Variants in C4orf51 observed in about 807,000 individuals in gnomAD.
The protein encoded by C4orf51 is chromosome 4 open reading frame 51, also known as uncharacterized protein C4orf51.
Under a neutral mutation model 25.2 loss-of-function variants are expected in C4orf51, and 25 were observed. The observed-to-expected ratio is 0.99, with a 90% CI of 0.72 to 1.39. C4orf51 has a LOEUF of 1.39. C4orf51 is among the 40% of genes most tolerant of loss of function. The probability of loss-of-function intolerance (pLI) is 0.00; values close to 1 mark genes in which losing one functional copy is unlikely to be tolerated. For missense variants in C4orf51, 252 were observed against 239.6 expected (o/e 1.05, Z -0.34); for synonymous variants, 100 against 84.5 (o/e 1.18, Z -1.01).
chr4:145,761,682 T>G lies in C4orf51; in HGVS notation n.167-9306T>G. The G allele has an allele frequency of 1.2e-6, 1 of 845,350 alleles. No individual in the cohort carries two copies. Among genetic ancestry groups the G allele is most frequent in the Non-Finnish European group, 1.6e-6 (1 of 614,212 alleles). The allele number at this position is 845,350 out of a possible 1,614,324, so 52.4% of individuals were successfully genotyped here. A position where few individuals can be genotyped will look rare whatever the true frequency, so the allele number is the denominator to read the frequency against. ...TTCTCGCCGCCTCACCAGCCTTCCCTCACACCACCCCCCAGTGTCTGAGGC... is the reference window on the plus strand; with the variant it reads ...TTCTCGCCGCCTCACCAGCCTTCCCGCACACCACCCCCCAGTGTCTGAGGC... On this transcript the variant is annotated intron_variant and non_coding_transcript_variant, in intron 1 of 1. Transcript: ENST00000510096. The surrounding 1 kb of genome is among the most constrained non-coding windows in gnomAD (Gnocchi z 6.8).
chr4:145,756,322 A>T (rs1733948046), downstream of C4orf51, among the ~76,000 whole-genome samples: 1 of 152,228 alleles, frequency 6.6e-6, no homozygotes, highest in Non-Finnish European at 1.5e-5. Context: ...AACTATATTT[A>T]TGTAGCATGA....
At chr4:145,721,926 G>A (rs1450463674) in intron 2 of C4orf51, among the ~76,000 whole-genome samples, 1 of 152,196 alleles carries the variant, frequency 6.6e-6, no homozygotes, top group Non-Finnish European at 1.5e-5. Flanking sequence ...TTTTAATTCT[G>A]TCCTTGGTTA....
chr4:145,680,937 T>C (rs1228417336), intron 1 of C4orf51, among the ~76,000 whole-genome samples: 1 of 152,132 alleles, frequency 6.6e-6, no homozygotes, highest in African/African-American at 2.4e-5. Context: ...TGACTGGAAC[T>C]AGGGAAATAA....
chr4:145,738,278 C>T (rs567905183), intron 1 of C4orf51, among the ~76,000 whole-genome samples: 4 of 152,026 alleles, frequency 2.6e-5, no homozygotes, highest in Admixed American at 6.5e-5. Flanking sequence ...GGTGAAACCC[C>T]GTCTCTACTA....
intron 4 of C4orf51, 112 bp downstream of exon 4, chr4:145,729,341 T>C: frequency 1.7e-6 from 1 of 597,482 alleles, no homozygotes; most frequent in Admixed American, 3.7e-5. Context: ...TCTCACACTC[T>C]CCCAGGCTGA....
intron 1 of C4orf51, among the ~76,000 whole-genome samples, chr4:145,748,042 C>T (rs531430671): frequency 6.6e-5 from 10 of 152,100 alleles, no homozygotes; most frequent in East Asian, 1.9e-4. Context: ...ACTTTGATCT[C>T]GTTACATGTT....
chr4:145,740,200 G>C (rs1341974759), intron 1 of C4orf51, among the ~76,000 whole-genome samples: 1 of 132,150 alleles, frequency 7.6e-6, no homozygotes, highest in Non-Finnish European at 1.5e-5. Context: ...TCCAGAGAGG[G>C]TGAAATGCTT....
downstream of C4orf51, chr4:145,775,887 G>C (rs576838924): frequency 6.2e-7 from 1 of 1,614,158 alleles, no homozygotes; most frequent in Non-Finnish European, 8.5e-7. Context: ...CGGAATGGAC[G>C]GTCAAGTGCT....
chr4:145,692,593 C>T (rs1486779960), intron 1 of C4orf51, among the ~76,000 whole-genome samples: 1 of 152,186 alleles, frequency 6.6e-6, no homozygotes, highest in African/African-American at 2.4e-5. Flanking sequence ...AGGCCACCAG[C>T]CCTTGTCTCA....
intron 1 of C4orf51, among the ~76,000 whole-genome samples, chr4:145,753,709 C>T (rs768293810): frequency 4.6e-5 from 7 of 152,124 alleles, no homozygotes; most frequent in Non-Finnish European, 1.0e-4. Flanking sequence ...TTTGCTTGGG[C>T]TTGAGGCTGC....
chr4:145,754,976 C>T (rs985219671), downstream of C4orf51, among the ~76,000 whole-genome samples: 1 of 152,086 alleles, frequency 6.6e-6, no homozygotes, highest in Non-Finnish European at 1.5e-5. Flanking sequence ...GATCTCCCAA[C>T]CTTTGAAGTG....
Position 145,697,883 on chromosome 4 carries a change from T to G in C4orf51, c.307+1251T>G, listed in dbSNP as rs545692063. Among the ~76,000 whole-genome samples the G allele has an allele frequency of 2.0e-5, 3 of 152,356 alleles. No homozygotes were observed. The South Asian group carries it at 6.2e-4, about 32-fold the overall frequency. ...CTTTGGATATGTATCAGTAGGATTG[T>G]TGGATCATATAGTAATTCTATTTTT... On this transcript the variant is annotated intron_variant, in intron 2 of 5. Coordinates refer to ENST00000438731, the MANE Select transcript of C4orf51 (RefSeq NM_001080531.3).
At chr4:145,774,404 G>A (rs1736724517), downstream of C4orf51, 1 of 1,303,834 alleles carries the variant, frequency 7.7e-7, no homozygotes, top group African/African-American at 1.5e-5. Flanking sequence ...GAAGGAAAAG[G>A]GCAATGTCTC....
At chr4:145,699,973 G>C (rs186986491) in intron 2 of C4orf51, among the ~76,000 whole-genome samples, 122 of 152,090 alleles carry the variant, frequency 8.0e-4, no homozygotes, top group African/African-American at 2.8e-3. Context: ...TTCACCCTTG[G>C]TGGCAAGTCC....
At chr4:145,701,192 A>G (rs1730414870) in intron 2 of C4orf51, among the ~76,000 whole-genome samples, 1 of 101,780 alleles carries the variant, frequency 9.8e-6, no homozygotes, top group South Asian at 3.3e-4. Flanking sequence ...TGGCCCTCAA[A>G]CCCCGCAACA....
At chr4:145,682,130 T>C (rs1224118385) in intron 1 of C4orf51, among the ~76,000 whole-genome samples, 2 of 152,208 alleles carry the variant, frequency 1.3e-5, no homozygotes, top group Non-Finnish European at 2.9e-5. Flanking sequence ...GTGATCATTA[T>C]GTGAATCATT....
chr4:145,726,368 A>G (rs994322434), intron 2 of C4orf51, among the ~76,000 whole-genome samples: 7 of 152,190 alleles, frequency 4.6e-5, no homozygotes, highest in African/African-American at 1.4e-4. Context: ...AATTTTCCAG[A>G]GATATTTCAA....
At chr4:145,729,775 T>C in intron 4 of C4orf51, 117 bp from the exon 5 acceptor site, 1 of 764,240 alleles carries the variant, frequency 1.3e-6, no homozygotes, top group Non-Finnish European at 2.3e-6. Flanking sequence ...GGGGGCTGTG[T>C]ATGTGAAGGT....
intron 3 of C4orf51, among the ~76,000 whole-genome samples, chr4:145,728,760 T>C (rs2126767757): frequency 6.6e-6 from 1 of 152,378 alleles, no homozygotes; most frequent in East Asian, 1.9e-4. Context: ...TAATTATATT[T>C]GAATGATAAT....
Sources: gnomAD v4.1 joint callset for allele counts (sites outside exome capture counted in the v4.1 genomes callset) on GRCh38, gnomAD v4.1.1 for gene constraint, Gnocchi (gnomAD v3.1) non-coding constraint, MANE v1.5 for transcripts, NCBI Gene and HGNC (gene_info 2026-07-23, HGNC 2026-07-21) for gene names.